ZMPSTE24: variants seen among roughly 807,000 people sequenced by gnomAD.
The protein encoded by ZMPSTE24 is CAAX prenyl protease 1 homolog.
ZMPSTE24 carries 48 observed loss-of-function variants against 56.7 expected under a neutral mutation model. The ratio of observed to expected loss-of-function variants is 0.85; its 90% CI spans 0.67 to 1.08. The LOEUF is 1.08. Among genes scored for constraint, ZMPSTE24 ranks in the 50% least tolerant of loss-of-function variants. The pLI, the probability that ZMPSTE24 is intolerant of heterozygous loss-of-function variation, is 0.00. For missense variants in ZMPSTE24, 503 were observed against 548.7 expected (o/e 0.92, Z 0.83); for synonymous variants, 172 against 195.2 (o/e 0.88, Z 0.99).
At chr1:40,268,996 A>T (rs1643584754) in intron 4 of ZMPSTE24, among the ~76,000 whole-genome samples, 1 of 151,168 alleles carries the variant, frequency 6.6e-6, no homozygotes, top group African/African-American at 2.4e-5. Flanking sequence ...GAATGGCGTG[A>T]ACCCGGGAGG....
At chr1:40,268,887 C>T (rs1159712516) in intron 4 of ZMPSTE24, among the ~76,000 whole-genome samples, 1 of 150,388 alleles carries the variant, frequency 6.6e-6, no homozygotes, top group Non-Finnish European at 1.5e-5. Context: ...GCCATCCTGG[C>T]TAACACCGTG....
At chr1:40,286,130 A>C in intron 8 of ZMPSTE24, 101 bp downstream of exon 8, 1 of 1,029,728 alleles carries the variant, frequency 9.7e-7, no homozygotes. Flanking sequence ...CAGACACCAC[A>C]GCCAGGCTAC....
In ZMPSTE24 at chr1:40,292,750, T is replaced by C. The variant is rs1011243054; in HGVS notation, c.*81T>C. ...GTTCCAGCTCTTGATGTTTTTAAAC[T>C]TTTTTTTAGAAGAAAAATTAAGTAC... On this transcript the variant is annotated 3_prime_UTR_variant, in exon 10 of 10. Transcript: ENST00000372759. The C allele has an allele frequency of 9.1e-6, 12 of 1,320,718 alleles. No homozygotes were observed. The highest frequency in any genetic ancestry group is 1.3e-5 in the Non-Finnish European group (12 of 936,614). 81.8% of individuals were successfully genotyped at this position (1,320,718 alleles called of 1,614,324 possible).
chr1:40,283,160 G>C (rs555900575), intron 7 of ZMPSTE24, among the ~76,000 whole-genome samples: 1 of 152,236 alleles, frequency 6.6e-6, no homozygotes, highest in Non-Finnish European at 1.5e-5. Flanking sequence ...CTGAAGTCCA[G>C]AAAGAATAAC....
At chr1:40,265,467 G>A (rs1339856083) in intron 2 of ZMPSTE24, among the ~76,000 whole-genome samples, 1 of 152,152 alleles carries the variant, frequency 6.6e-6, no homozygotes, top group East Asian at 1.9e-4. Flanking sequence ...TGTAATCCCA[G>A]CACTTTGGGA....
chr1:40,263,877 C>G (rs1643522694), intron 2 of ZMPSTE24, among the ~76,000 whole-genome samples: 1 of 151,946 alleles, frequency 6.6e-6, no homozygotes, highest in Admixed American at 6.6e-5. Flanking sequence ...GACACTTTCT[C>G]TAATATCTCA....
chr1:40,287,648 C>A (rs1643800514), intron 8 of ZMPSTE24, among the ~76,000 whole-genome samples: 1 of 150,302 alleles, frequency 6.7e-6, no homozygotes, highest in Non-Finnish European at 1.5e-5. Flanking sequence ...GCACTCCAGC[C>A]TGGGCGACAG....
Position 40,268,464 on chromosome 1 carries a change from G to A in ZMPSTE24, c.403G>A (p.Ala135Thr), listed in dbSNP as rs1185678557. The A allele has an allele frequency of 1.2e-6, 2 of 1,612,930 alleles. No homozygotes were observed. The highest frequency in any genetic ancestry group is 8.5e-7 in the Non-Finnish European group (1 of 1,179,942). Residue 135 changes from alanine (A) to threonine (T), a missense_variant, in exon 4 of 10, where the codon GCA becomes ACA. Physicochemically the swap from Ala to Thr is moderately conservative, Grantham distance 58 (BLOSUM62 0). Transcript: ENST00000372759. ...VFLLLATLFS[A>T]LTGLPWSLYN... is the part of the protein sequence containing the mutation. Reference sequence around the variant, plus strand: ...TCTGCTGTTGGCTACACTTTTCAGTGCATTGACTGGTTTGCCATGGAGTCT... The same window carrying A: ...TCTGCTGTTGGCTACACTTTTCAGTACATTGACTGGTTTGCCATGGAGTCT...
At chr1:40,265,865 G>A (rs1385926553) in intron 2 of ZMPSTE24, among the ~76,000 whole-genome samples, 4 of 152,142 alleles carry the variant, frequency 2.6e-5, no homozygotes, top group Non-Finnish European at 5.9e-5. Flanking sequence ...CTGCTGTCCA[G>A]AGACCATATT....
intron 2 of ZMPSTE24, chr1:40,262,984 G>A (rs1643513973): frequency 1.0e-6 from 1 of 1,001,076 alleles, no homozygotes; most frequent in Admixed American, 6.0e-5. Context: ...ATTAGATGAG[G>A]TAGACACTAT....
intron 7 of ZMPSTE24, among the ~76,000 whole-genome samples, chr1:40,282,593 T>C (rs1225536154): frequency 6.6e-6 from 1 of 152,230 alleles, no homozygotes; most frequent in African/African-American, 2.4e-5. Flanking sequence ...CCGCCTGCCT[T>C]GGCCTCCCAA....
At chr1:40,291,079 A>G in intron 9 of ZMPSTE24, 82 bp downstream of exon 9, 1 of 1,545,054 alleles carries the variant, frequency 6.5e-7, no homozygotes. Flanking sequence ...GAAAAAGGAA[A>G]TAGAACAGTA....
chr1:40,288,442 A>G (rs1389880609), intron 8 of ZMPSTE24, among the ~76,000 whole-genome samples: 2 of 152,194 alleles, frequency 1.3e-5, no homozygotes, highest in Non-Finnish European at 2.9e-5. Context: ...AGGTGGCTAA[A>G]TGGTCCCTGA....
chr1:40,280,590 A>G (rs1435019959), intron 6 of ZMPSTE24, among the ~76,000 whole-genome samples: 1 of 151,906 alleles, frequency 6.6e-6, no homozygotes, highest in Non-Finnish European at 1.5e-5. Context: ...ATGCCCGGCT[A>G]ATTTTTTGTA....
At chr1:40,291,282 T>G (rs936163762) in intron 9 of ZMPSTE24, among the ~76,000 whole-genome samples, 5 of 152,242 alleles carry the variant, frequency 3.3e-5, no homozygotes, top group Non-Finnish European at 7.3e-5. Flanking sequence ...ATTGGAATGT[T>G]GTGTCCTAGG....
At chr1:40,286,469 G>A (rs999238615) in intron 8 of ZMPSTE24, among the ~76,000 whole-genome samples, 1 of 152,102 alleles carries the variant, frequency 6.6e-6, no homozygotes, top group African/African-American at 2.4e-5. Flanking sequence ...CACCCAGACT[G>A]GAGTGCAGTG....
At chr1:40,281,129 A>G (rs182600979) in intron 6 of ZMPSTE24, among the ~76,000 whole-genome samples, 2 of 152,320 alleles carry the variant, frequency 1.3e-5, no homozygotes, top group African/African-American at 4.8e-5. Flanking sequence ...TTACTTATTT[A>G]CTTACTGCTA....
At chr1:40,264,667 G>GGAGTTT (rs1643531881) in intron 2 of ZMPSTE24, among the ~76,000 whole-genome samples, 1 of 151,856 alleles carries the variant, frequency 6.6e-6, no homozygotes, top group Non-Finnish European at 1.5e-5. Flanking sequence ...CTTGAGCCCA[G>GGAGTTT]GAGTTTGAGA....
chr1:40,290,921 T>G lies in ZMPSTE24; in HGVS notation c.1127T>G (p.Phe376Cys). 1 of 1,614,152 alleles carries G rather than the reference T, an allele frequency of 6.2e-7. No individual in the cohort carries two copies. The highest frequency in any genetic ancestry group is 8.5e-7 in the Non-Finnish European group (1 of 1,180,018). ...LIGRKELFAA[F>C]GFYDSQPTLI... ...GGTCGAAAGGAGCTTTTTGCTGCAT[T>G]TGGTTTTTATGATAGCCAACCCACT... Residue 376 changes from phenylalanine (F) to cysteine (C), a missense_variant, in exon 9 of 10, where the codon TTT becomes TGT. By Grantham distance (205) the Phe-to-Cys change is radical (BLOSUM62 -2). Coordinates refer to ENST00000372759, the MANE Select transcript of ZMPSTE24 (RefSeq NM_005857.5).
Sources: allele counts gnomAD v4.1 joint callset (sites outside exome capture counted in the v4.1 genomes callset), GRCh38; gene constraint gnomAD v4.1.1; transcripts MANE v1.5; gene names NCBI Gene and HGNC (gene_info 2026-07-23, HGNC 2026-07-21).